Variants in SAMD4B observed in about 807,000 individuals in gnomAD.
The protein encoded by SAMD4B is sterile alpha motif domain containing 4B.
Under a neutral mutation model 74.5 loss-of-function variants are expected in SAMD4B, and 5 were observed. That is an observed-to-expected ratio of 0.07 (90% CI 0.04 to 0.14). The LOEUF is 0.14. Ranked by LOEUF, SAMD4B falls within the 10% of genes least tolerant of loss-of-function variation. The pLI, the probability that SAMD4B is intolerant of heterozygous loss-of-function variation, is 1.00. For missense variants in SAMD4B, 608 were observed against 921.8 expected (o/e 0.66, Z 4.41); for synonymous variants, 373 against 374.9 (o/e 1.00, Z 0.06).
chr19:39,381,862 G>A (rs1284845232), intron 12 of SAMD4B, among the ~76,000 whole-genome samples: 3 of 152,184 alleles, frequency 2.0e-5, no homozygotes, highest in Non-Finnish European at 4.4e-5. Flanking sequence ...AGCCCAGGAG[G>A]TCAAGGCTGT....
chr19:39,390,656 C>G (rs955533230), downstream of SAMD4B, among the ~76,000 whole-genome samples: 11 of 152,148 alleles, frequency 7.2e-5, no homozygotes, highest in Admixed American at 6.5e-4. Flanking sequence ...AACTGCACGG[C>G]GGGGAGGAGG....
chr19:39,382,669 A>G (rs1156698009), intron 12 of SAMD4B, among the ~76,000 whole-genome samples: 1 of 152,132 alleles, frequency 6.6e-6, no homozygotes, highest in East Asian at 1.9e-4. Flanking sequence ...AGATGCCCGA[A>G]TAGGAGGCCC....
At chr19:39,359,447 GA>G (rs772415910) in intron 3 of SAMD4B, among the ~76,000 whole-genome samples, 14 of 152,192 alleles carry the variant, frequency 9.2e-5, no homozygotes, top group Admixed American at 8.5e-4. Context: ...CTGCATATAT[GA>G]ATGCATATAT....
Position 39,383,736 on chromosome 19 carries a change from G to A in SAMD4B, c.*209G>A, listed in dbSNP as rs1280864515. The A allele has an allele frequency of 1.9e-5, 29 of 1,531,226 alleles. No homozygotes were observed. The highest frequency in any genetic ancestry group is 2.1e-5 in the Non-Finnish European group (24 of 1,143,004). 94.9% of individuals were successfully genotyped at this position (1,531,226 alleles called of 1,614,324 possible). On this transcript the variant is annotated 3_prime_UTR_variant, in exon 14 of 14. Transcript: ENST00000610417. The surrounding 1 kb of genome is among the most constrained non-coding windows in gnomAD (Gnocchi z 4.1). ...CGTCGAGGGATCTCTGCTGAGGCCCGGGGAGTTGGGGGCAGCCAGGATAAA... is the reference window on the plus strand; with the variant it reads ...CGTCGAGGGATCTCTGCTGAGGCCCAGGGAGTTGGGGGCAGCCAGGATAAA...
In SAMD4B at chr19:39,369,882, G is replaced by T; in HGVS notation, c.424G>T (p.Ala142Ser). The T allele has an allele frequency of 6.2e-7, 1 of 1,614,232 alleles. No homozygotes were observed. Among genetic ancestry groups the T allele is most frequent in the Middle Eastern group, 1.6e-4 (1 of 6,062 alleles). Residue 142 changes from alanine (A) to serine (S), a missense_variant, in exon 4 of 14, where the codon GCA becomes TCA. This residue lies in a region of SAMD4B where 74 missense variants were observed against 182.0 expected (regional missense o/e 0.41). Coordinates refer to ENST00000610417, the MANE Select transcript of SAMD4B (RefSeq NM_001384574.2). ...HPATTLEDRN[A>S]LALWLSHLEE... ...AGCCACCACACTGGAGGACCGCAAC[G>T]CACTGGCCCTCTGGCTGAGCCACCT...
intron 2 of SAMD4B, among the ~76,000 whole-genome samples, chr19:39,355,374 CAG>C (rs1404078127): frequency 6.6e-6 from 1 of 152,202 alleles, no homozygotes; most frequent in Non-Finnish European, 1.5e-5. Context: ...AGGGGTCCCA[CAG>C]GGGATCTGTG....
chr19:39,390,328 C>T, downstream of SAMD4B: 1 of 1,583,992 alleles, frequency 6.3e-7, no homozygotes, highest in Non-Finnish European at 8.6e-7. Flanking sequence ...GTGGAGAGGA[C>T]GGGATTGACA....
chr19:39,382,135 C>T (rs1331174799), intron 12 of SAMD4B, among the ~76,000 whole-genome samples: 1 of 152,180 alleles, frequency 6.6e-6, no homozygotes, highest in Non-Finnish European at 1.5e-5. Flanking sequence ...CCAAGTCAGT[C>T]AGGAGTCTTA....
In SAMD4B at chr19:39,361,476, CGTG is replaced by C. The variant is rs1315135176; in HGVS notation, c.196+4390_196+4392del. On this transcript the variant is annotated intron_variant, in intron 3 of 13. Transcript: ENST00000610417. ...CTAAAAATACAAAAAATTAGCCAGA[CGTG>C]GTAGTGGGTACCTGTAGTCCCAGCT... Among the ~76,000 whole-genome samples the C allele has an allele frequency of 2.7e-5, 4 of 149,484 alleles. No individual in the cohort carries two copies. In the East Asian group the frequency reaches 8.0e-4, roughly 30 times the overall value.
intron 1 of SAMD4B, among the ~76,000 whole-genome samples, chr19:39,344,006 C>G (rs1310364863): frequency 8.1e-6 from 1 of 123,840 alleles, no homozygotes; most frequent in Admixed American, 9.2e-5. Context: ...CACACACACA[C>G]AGCTTAGAGA....
At chr19:39,372,475 C>G (rs1242519596) in intron 4 of SAMD4B, among the ~76,000 whole-genome samples, 3 of 152,210 alleles carry the variant, frequency 2.0e-5, no homozygotes, top group African/African-American at 7.2e-5. Context: ...TTTTGGATTC[C>G]AGGCAGTTGC....
chr19:39,377,162 G>A (rs974073178), intron 7 of SAMD4B, among the ~76,000 whole-genome samples: 7 of 151,952 alleles, frequency 4.6e-5, no homozygotes, highest in African/African-American at 1.5e-4. Context: ...ATCTGATTCC[G>A]TTTCCTTGCC....
intron 10 of SAMD4B, 127 bp downstream of exon 10, chr19:39,380,211 C>A: frequency 1.4e-6 from 1 of 719,404 alleles, no homozygotes. Context: ...GGGCGACTTT[C>A]CCAGAAGAAA....
intron 1 of SAMD4B, among the ~76,000 whole-genome samples, 187 bp downstream of exon 1, chr19:39,342,763 G>T (rs2075383778): frequency 6.6e-6 from 1 of 151,440 alleles, no homozygotes; most frequent in Admixed American, 6.6e-5. Context: ...CCCCGCGCCC[G>T]TCCCCAGTCT....
In SAMD4B at chr19:39,343,545, C is replaced by T. The variant is rs145992229; in HGVS notation, c.-267+969C>T. 6.2e-4 allele frequency among the ~76,000 whole-genome samples: 93 copies of T among 150,852 alleles called. 1 individual carries two copies. The highest frequency in any genetic ancestry group is 2.1e-3 in the African/African-American group (87 of 40,954). On this transcript the variant is annotated intron_variant, in intron 1 of 13. Transcript: ENST00000610417. Reference sequence around the variant, plus strand: ...TCCCTCTGGACCTTTCCACAGATCCCAAAAGTCTCCCCCAGAGGCCTCCTG... The same window carrying T: ...TCCCTCTGGACCTTTCCACAGATCCTAAAAGTCTCCCCCAGAGGCCTCCTG...
chr19:39,386,328 C>T (rs145620122), downstream of SAMD4B: 40 of 1,614,086 alleles, frequency 2.5e-5, no homozygotes, highest in African/African-American at 5.3e-5. The surrounding 1 kb of genome is among the most constrained non-coding windows in gnomAD (Gnocchi z 6.1). Flanking sequence ...ACCTTCCTCC[C>T]GTTCACTCTC....
intron 7 of SAMD4B, among the ~76,000 whole-genome samples, 172 bp downstream of exon 7, chr19:39,376,963 C>T (rs775391843): frequency 6.6e-6 from 1 of 152,194 alleles, no homozygotes; most frequent in African/African-American, 2.4e-5. Flanking sequence ...GGCTCACTTG[C>T]TGGTGGCTAA....
Position 39,381,142 on chromosome 19 carries a change from C to G in SAMD4B, c.1972+29C>G, listed in dbSNP as rs372368981. ...AGGTGCCCCACCCTTGGGACTCTGCCTGGCCAACATCCTCAGCTGACCTTT... is the reference window on the plus strand; with the variant it reads ...AGGTGCCCCACCCTTGGGACTCTGCGTGGCCAACATCCTCAGCTGACCTTT... On this transcript the variant is annotated intron_variant, in intron 12 of 13. Transcript: ENST00000610417. The G allele has an allele frequency of 5.8e-6, 9 of 1,559,368 alleles. No individual in the cohort carries two copies. In the African/African-American group the frequency reaches 1.2e-4, roughly 21 times the overall value.
chr19:39,345,893 C>T (rs749457803), intron 1 of SAMD4B, among the ~76,000 whole-genome samples: 13 of 152,082 alleles, frequency 8.5e-5, no homozygotes, highest in Admixed American at 2.6e-4. Flanking sequence ...CACACAGCAC[C>T]CTTTGCCTTT....
Sources: allele counts gnomAD v4.1 joint callset (sites outside exome capture counted in the v4.1 genomes callset), GRCh38; gene constraint gnomAD v4.1.1; regional missense constraint gnomAD v4.1.1; non-coding constraint Gnocchi (gnomAD v3.1); transcripts MANE v1.5; gene names NCBI Gene and HGNC (gene_info 2026-07-23, HGNC 2026-07-21).